Variants in PHACTR3 observed in about 807,000 individuals in gnomAD.
PHACTR3 encodes phosphatase and actin regulator 3.
A neutral mutation model predicts 66.8 loss-of-function variants in PHACTR3; 16 were observed. That is an observed-to-expected ratio of 0.24 (90% CI 0.16 to 0.36). The LOEUF (loss-of-function observed/expected upper bound fraction) is 0.36, where lower values mean the gene tolerates loss of function less well. Among genes scored for constraint, PHACTR3 ranks in the 10% least tolerant of loss-of-function variants. PHACTR3 has a pLI of 1.00. For synonymous variants in PHACTR3, 323 were observed against 292.1 expected (o/e 1.11, Z -1.08); for missense variants, 647 against 719.9 (o/e 0.90, Z 1.16).
intron 7 of PHACTR3, among the ~76,000 whole-genome samples, chr20:59,788,098 GC>G (rs1179205186): frequency 6.6e-6 from 1 of 151,906 alleles, no homozygotes. Context: ...TTTATCCTTT[GC>G]CCCCCTCCCA....
Position 59,667,030 on chromosome 20 carries a change from C to G in PHACTR3, c.118+61898C>G, listed in dbSNP as rs536732129. Reference sequence around the variant, plus strand: ...ACGTCCAAGGTGCCCAGCAGAGGCACAGCAGTGCTGACAGTCCTGACAAGT... The same window carrying G: ...ACGTCCAAGGTGCCCAGCAGAGGCAGAGCAGTGCTGACAGTCCTGACAAGT... On this transcript the variant is annotated intron_variant, in intron 1 of 12. Transcript: ENST00000371015. Among the ~76,000 whole-genome samples the G allele has an allele frequency of 5.3e-5, 8 of 152,358 alleles. No homozygotes were observed. In the South Asian group the frequency reaches 8.3e-4, roughly 16 times the overall value.
At chr20:59,632,043 T>C (rs1244712335) in intron 1 of PHACTR3, among the ~76,000 whole-genome samples, 1 of 152,128 alleles carries the variant, frequency 6.6e-6, no homozygotes, top group Non-Finnish European at 1.5e-5. Context: ...GTCCTCACCT[T>C]GTGGTGTACG....
At chr20:59,588,354 CT>C (rs1433367135) in intron 1 of PHACTR3, among the ~76,000 whole-genome samples, 2 of 152,166 alleles carry the variant, frequency 1.3e-5, no homozygotes, top group Admixed American at 1.3e-4. Context: ...TCTGTCGCCC[CT>C]GTCCCAGTCC....
chr20:59,658,849 G>T (rs2146470069), intron 1 of PHACTR3, among the ~76,000 whole-genome samples: 1 of 152,196 alleles, frequency 6.6e-6, no homozygotes, highest in East Asian at 1.9e-4. Context: ...GCTCTTCTTA[G>T]CTGTCTTGCT....
intron 1 of PHACTR3, among the ~76,000 whole-genome samples, chr20:59,615,670 A>G (rs1237128243): frequency 6.6e-6 from 1 of 152,198 alleles, no homozygotes; most frequent in Non-Finnish European, 1.5e-5. Flanking sequence ...TTCTCCGTGC[A>G]TCTCTTATCC....
At chr20:59,599,229 TTCA>T (rs2033407007) in intron 1 of PHACTR3, among the ~76,000 whole-genome samples, 1 of 152,178 alleles carries the variant, frequency 6.6e-6, no homozygotes, top group African/African-American at 2.4e-5. Context: ...CATTCATTTA[TTCA>T]TCAATGGATA....
intron 4 of PHACTR3, among the ~76,000 whole-genome samples, chr20:59,762,202 G>C (rs1053697771): frequency 2.6e-5 from 4 of 152,214 alleles, no homozygotes; most frequent in African/African-American, 9.6e-5. Flanking sequence ...CTTTGGAGGA[G>C]GGTTTTGGTC....
Position 59,767,380 on chromosome 20 carries a change from A to G in PHACTR3, c.736A>G (p.Thr246Ala), listed in dbSNP as rs768231753. 4.0e-5 allele frequency: 64 copies of G among 1,613,656 alleles called. No homozygotes were observed. Among genetic ancestry groups the G allele is most frequent in the Non-Finnish European group, 5.4e-5 (64 of 1,180,022 alleles). The change falls in exon 5 of 13, where the codon ACA becomes GCA. Residue 246 changes from threonine to alanine, a missense_variant. Coordinates refer to ENST00000371015, the MANE Select transcript of PHACTR3 (RefSeq NM_080672.5). Reference sequence around the variant, plus strand: ...GCCACCCAAGGCAAGCTCCAAAACCACAAAAAATGTCACAGGTGGGTCCAC... The same window carrying G: ...GCCACCCAAGGCAAGCTCCAAAACCGCAAAAAATGTCACAGGTGGGTCCAC... The part of the protein sequence containing the change: ...TPPPKASSKT[T>A]KNVTGQATLF...
At chr20:59,703,881 T>C (rs1364271246) in intron 1 of PHACTR3, among the ~76,000 whole-genome samples, 1 of 152,208 alleles carries the variant, frequency 6.6e-6, no homozygotes, top group Non-Finnish European at 1.5e-5. Context: ...TAGATAGTTC[T>C]CTATATTTGA....
upstream of PHACTR3, chr20:59,603,633 A>G (rs2033547112): frequency 6.6e-6 from 1 of 151,240 alleles, no homozygotes; most frequent in African/African-American, 2.4e-5. Context: ...GCTTGCCCCC[A>G]CCCCTTCCAG....
intron 1 of PHACTR3, among the ~76,000 whole-genome samples, chr20:59,670,530 T>C (rs2036151670): frequency 6.9e-6 from 1 of 145,560 alleles, no homozygotes. Context: ...CATTCTCAAT[T>C]ACGTGGAAGC....
exon 1 of PHACTR3, chr20:59,577,516 G>C: frequency 8.8e-7 from 1 of 1,130,582 alleles, no homozygotes; most frequent in Non-Finnish European, 1.1e-6. Context: ...GGGATGCGTG[G>C]CCGTGGCGGG....
chr20:59,591,068 CTTG>C (rs1161543629), intron 1 of PHACTR3, among the ~76,000 whole-genome samples: 2 of 152,212 alleles, frequency 1.3e-5, no homozygotes, highest in African/African-American at 4.8e-5. Flanking sequence ...ACTCTCAACA[CTTG>C]TGGCTTCCAT....
chr20:59,785,550 C>T (rs1226592698), intron 7 of PHACTR3, among the ~76,000 whole-genome samples: 1 of 152,120 alleles, frequency 6.6e-6, no homozygotes, highest in East Asian at 1.9e-4. Context: ...CAGCTGTGGG[C>T]CCCTGGCTGC....
chr20:59,670,507 A>G (rs1041936019), intron 1 of PHACTR3, among the ~76,000 whole-genome samples: 1 of 149,072 alleles, frequency 6.7e-6, no homozygotes, highest in Non-Finnish European at 1.5e-5. Flanking sequence ...GTGGACACAC[A>G]TCCACCAACC....
At chr20:59,652,112 C>T (rs1168067889) in intron 1 of PHACTR3, among the ~76,000 whole-genome samples, 1 of 152,110 alleles carries the variant, frequency 6.6e-6, no homozygotes, top group Admixed American at 6.5e-5. Context: ...CTAGCTCAAG[C>T]AGGCAGACAG....
chr20:59,591,629 G>A (rs1032003405), intron 1 of PHACTR3, among the ~76,000 whole-genome samples: 1 of 151,948 alleles, frequency 6.6e-6, no homozygotes, highest in African/African-American at 2.4e-5. Flanking sequence ...AGTGCCACTG[G>A]GGGAGATCTC....
chr20:59,753,583 CCAA>C (rs1006508527), intron 3 of PHACTR3, among the ~76,000 whole-genome samples: 5 of 152,170 alleles, frequency 3.3e-5, no homozygotes, highest in African/African-American at 1.2e-4. Flanking sequence ...GAAACCATCA[CCAA>C]CAACAATGAC....
intron 1 of PHACTR3, among the ~76,000 whole-genome samples, chr20:59,723,575 C>T (rs1314296301): frequency 1.3e-5 from 2 of 152,122 alleles, no homozygotes; most frequent in African/African-American, 4.8e-5. Flanking sequence ...TTCACGTGCA[C>T]ATTTTTGTGT....
Sources: gnomAD v4.1 joint callset for allele counts (sites outside exome capture counted in the v4.1 genomes callset) on GRCh38, gnomAD v4.1.1 for gene constraint, MANE v1.5 for transcripts, NCBI Gene and HGNC (gene_info 2026-07-23, HGNC 2026-07-21) for gene names.